Variants in ZNF652 observed in about 807,000 individuals in gnomAD.
ZNF652 encodes zinc finger protein 652.
Under a neutral mutation model 45.2 loss-of-function variants are expected in ZNF652, and 16 were observed. The ratio of observed to expected loss-of-function variants is 0.35; its 90% CI spans 0.24 to 0.54. The LOEUF is 0.54. ZNF652 is among the 20% of genes least tolerant of loss of function. The pLI is 0.91. For missense variants in ZNF652, 614 were observed against 765.6 expected, an observed-to-expected ratio of 0.80 and a Z score of 2.34; for synonymous variants, 250 against 260.6, an observed-to-expected ratio of 0.96 and a Z score of 0.39.
intron 1 of ZNF652, among the ~76,000 whole-genome samples, chr17:49,334,779 CAA>C (rs5820756): frequency 1.6e-4 from 18 of 115,570 alleles, no homozygotes; most frequent in Admixed American, 1.8e-4. Flanking sequence ...ACTCGATCTC[CAA>C]AAAAAAAAAA....
intron 1 of ZNF652, among the ~76,000 whole-genome samples, chr17:49,349,005 T>C (rs1266103531): frequency 6.6e-6 from 1 of 152,218 alleles, no homozygotes; most frequent in Non-Finnish European, 1.5e-5. Flanking sequence ...AGTGATTTGC[T>C]AATGGAAGGA....
intron 1 of ZNF652, among the ~76,000 whole-genome samples, chr17:49,335,759 G>A (rs755207530): frequency 6.6e-6 from 1 of 152,144 alleles, no homozygotes; most frequent in Non-Finnish European, 1.5e-5. Flanking sequence ...TAAGAAAACA[G>A]TCCACAGTCT....
At chr17:49,326,725 T>A (rs2069959954) in intron 1 of ZNF652, among the ~76,000 whole-genome samples, 6 of 152,232 alleles carry the variant, frequency 3.9e-5, no homozygotes, top group Admixed American at 3.9e-4. Flanking sequence ...CTCCTATTCA[T>A]ACTCCTTTCA....
chr17:49,327,733 A>G (rs2069971579), intron 1 of ZNF652, among the ~76,000 whole-genome samples: 1 of 5,556 alleles, frequency 1.8e-4, no homozygotes, highest in Non-Finnish European at 4.3e-4. Context: ...ATAAATAAAT[A>G]TATATATATA....
At position 49,301,607 on chromosome 17, in the gene ZNF652, CTT is replaced by C. The variant is rs2069553943; in HGVS notation, c.1310-2685_1310-2684del. Among the ~76,000 whole-genome samples, 6 of 152,220 alleles carry C rather than the reference CTT, an allele frequency of 3.9e-5. No individual in the cohort carries two copies. In the South Asian group the frequency reaches 1.0e-3, roughly 26 times the overall value. ...GCCACCACACCCGGCCCTCTTTACA[CTT>C]TTCATTCTTCAATTACTGCCACAGC... On this transcript the variant is annotated intron_variant, in intron 5 of 5. Coordinates refer to ENST00000430262, the MANE Select transcript of ZNF652 (RefSeq NM_001145365.3).
intron 2 of ZNF652, among the ~76,000 whole-genome samples, chr17:49,315,045 T>G (rs1455515163): frequency 6.8e-5 from 10 of 146,314 alleles, no homozygotes; most frequent in Non-Finnish European, 1.5e-4. Flanking sequence ...TTAGTTTGTT[T>G]TTTTTTTTTT....
At chr17:49,316,682 C>T (rs1598295413) in intron 2 of ZNF652, 144 bp downstream of exon 2, 2 of 928,974 alleles carry the variant, frequency 2.2e-6, no homozygotes, top group East Asian at 5.3e-5. Flanking sequence ...TAGAAAAGAC[C>T]AAAGCAGGAG....
Position 49,296,794 on chromosome 17 carries a change from G to C in ZNF652, c.*1619C>G, listed in dbSNP as rs895966005. 1 of 152,114 alleles carries C rather than the reference G, an allele frequency of 6.6e-6. No homozygotes were observed. Among genetic ancestry groups the C allele is most frequent in the Admixed American group, 6.6e-5 (1 of 15,262 alleles). 9.4% of individuals were successfully genotyped at this position (152,114 alleles called of 1,614,324 possible). ...GTAAGTGATTTAGCCTGGGAACTCA[G>C]TTCTCTCAGATAAAGAAATACAAAA... On this transcript the variant is annotated 3_prime_UTR_variant, in exon 6 of 6. Transcript: ENST00000430262.
At chr17:49,318,704 CG>C (rs2069845746) in intron 1 of ZNF652, among the ~76,000 whole-genome samples, 1 of 152,140 alleles carries the variant, frequency 6.6e-6, no homozygotes, top group Non-Finnish European at 1.5e-5. Context: ...GCATGAAACA[CG>C]CAAGAGCTTT....
chr17:49,349,945 A>G (rs987091838), intron 1 of ZNF652, among the ~76,000 whole-genome samples: 3 of 152,188 alleles, frequency 2.0e-5, no homozygotes, highest in Admixed American at 6.5e-5. Context: ...TATAGTATAT[A>G]TATGTGTACA....
At chr17:49,348,453 G>A (rs756369736) in intron 1 of ZNF652, among the ~76,000 whole-genome samples, 1 of 139,010 alleles carries the variant, frequency 7.2e-6, no homozygotes, top group Admixed American at 7.4e-5. Flanking sequence ...GCCTCAGGCT[G>A]GGTGACAGAG....
rs374521495 is a variant in ZNF652, at chr17:49,312,825, C to T, written c.921G>A (p.Ser307=). The change falls in exon 3 of 6, where the codon TCG becomes TCA. Residue 307 remains serine, a synonymous_variant. Coordinates refer to ENST00000430262, the MANE Select transcript of ZNF652 (RefSeq NM_001145365.3). The part of the protein sequence containing the change: ...KNIQCVSCNK[S]FKKLWSLHEH... ...CATGAAGGGACCAGAGTTTCTTGAACGATTTGTTACAGGAAACACACTGAG... is the reference window on the plus strand; with the variant it reads ...CATGAAGGGACCAGAGTTTCTTGAATGATTTGTTACAGGAAACACACTGAG... 3.0e-5 allele frequency: 49 copies of T among 1,613,510 alleles called. 1 individual carries two copies. In the Middle Eastern group the frequency reaches 4.9e-4, roughly 16 times the overall value.
intron 1 of ZNF652, among the ~76,000 whole-genome samples, chr17:49,358,531 GTA>G (rs1179242531): frequency 6.6e-6 from 1 of 152,126 alleles, no homozygotes; most frequent in Non-Finnish European, 1.5e-5. Context: ...AAATTCAAGA[GTA>G]TAGTCACATT....
chr17:49,351,884 G>A (rs1044800952), intron 1 of ZNF652, among the ~76,000 whole-genome samples: 3 of 152,132 alleles, frequency 2.0e-5, no homozygotes, highest in African/African-American at 7.2e-5. Flanking sequence ...CTACTCAGGG[G>A]GCTGAGGCAG....
chr17:49,337,414 C>T (rs143835032), intron 1 of ZNF652, among the ~76,000 whole-genome samples: 2 of 149,814 alleles, frequency 1.3e-5, no homozygotes, highest in East Asian at 3.9e-4. Flanking sequence ...TTACTTAGAA[C>T]AAAATTTAAC....
chr17:49,300,834 C>T (rs535437769), intron 5 of ZNF652, among the ~76,000 whole-genome samples: 1 of 152,296 alleles, frequency 6.6e-6, no homozygotes, highest in African/African-American at 2.4e-5. Flanking sequence ...TGGTGATCTT[C>T]ACAGTGACTG....
Position 49,312,738 on chromosome 17 carries a change from C to A in ZNF652, c.1008G>T (p.Lys336Asn). Reference sequence around the variant, plus strand: ...GCACATGAGCCATGGTATAGAATTTCTTCTCACAAATTTCACAGGAAAATT... The same window carrying A: ...GCACATGAGCCATGGTATAGAATTTATTCTCACAAATTTCACAGGAAAATT... ...EKKFSCEICEKKFYTMAHVRK... is the reference protein window; with the variant it reads ...EKKFSCEICENKFYTMAHVRK... Residue 336 changes from lysine (K) to asparagine (N), a missense_variant, in exon 3 of 6, where the codon AAG (lysine) becomes AAT (asparagine). Coordinates refer to ENST00000430262, the MANE Select transcript of ZNF652 (RefSeq NM_001145365.3). 6.2e-7 allele frequency: 1 copy of A among 1,614,120 alleles called. No individual in the cohort carries two copies. Among genetic ancestry groups the A allele is most frequent in the Non-Finnish European group, 8.5e-7 (1 of 1,180,006 alleles).
At chr17:49,353,011 G>A (rs1235488457) in intron 1 of ZNF652, among the ~76,000 whole-genome samples, 1 of 152,196 alleles carries the variant, frequency 6.6e-6, no homozygotes, top group Non-Finnish European at 1.5e-5. Flanking sequence ...GTTATCTGGA[G>A]TGATGGAACT....
chr17:49,345,441 A>C (rs1178237060), intron 1 of ZNF652, among the ~76,000 whole-genome samples: 1 of 151,264 alleles, frequency 6.6e-6, no homozygotes, highest in African/African-American at 2.4e-5. Flanking sequence ...ATCTAAAGTG[A>C]TATGCCCACC....
Sources: allele counts gnomAD v4.1 joint callset (sites outside exome capture counted in the v4.1 genomes callset), GRCh38; gene constraint gnomAD v4.1.1; transcripts MANE v1.5; gene names NCBI Gene and HGNC (gene_info 2026-07-23, HGNC 2026-07-21).